Variants in KCNQ3 observed in about 807,000 individuals in gnomAD.
KCNQ3 encodes the protein potassium voltage-gated channel subfamily Q member 3.
A neutral mutation model predicts 92.5 loss-of-function variants in KCNQ3; 30 were observed. That is an observed-to-expected ratio of 0.32 (90% CI 0.24 to 0.44). The LOEUF is 0.44. Among genes scored for constraint, KCNQ3 ranks in the 20% least tolerant of loss-of-function variants. KCNQ3 has a pLI of 1.00. For missense variants in KCNQ3, 913 were observed against 1,140.3 expected (o/e 0.80, Z 2.87); for synonymous variants, 450 against 468.8 (o/e 0.96, Z 0.52).
rs148259480 is a variant in KCNQ3 at position 132,286,792 on chromosome 8, C to A, written c.387-100611G>T. Among the ~76,000 whole-genome samples, 518 of 152,256 alleles carry A rather than the reference C, an allele frequency of 3.4e-3. 1 individual carries two copies. Among genetic ancestry groups the A allele is most frequent in the Non-Finnish European group, 5.4e-3 (366 of 68,008 alleles). ...TAGTTCTTTTAAGAGATGGTTAGGT[C>A]ATTAAGATGAATTAATGGCTTTTTC... On this transcript the variant is annotated intron_variant, in intron 1 of 14. Coordinates refer to ENST00000388996, the MANE Select transcript of KCNQ3 (RefSeq NM_004519.4).
intron 1 of KCNQ3, among the ~76,000 whole-genome samples, chr8:132,448,437 G>A (rs1482104352): frequency 6.7e-6 from 1 of 148,180 alleles, no homozygotes. Flanking sequence ...TCATGTAGGC[G>A]TAGGTCTCTC....
intron 1 of KCNQ3, among the ~76,000 whole-genome samples, chr8:132,211,680 T>C (rs777251533): frequency 6.6e-6 from 1 of 152,116 alleles, no homozygotes; most frequent in Non-Finnish European, 1.5e-5. Context: ...TGGACGGGCA[T>C]GGTGGCTCAT....
At chr8:132,322,621 T>C (rs1817925804) in intron 1 of KCNQ3, among the ~76,000 whole-genome samples, 1 of 152,198 alleles carries the variant, frequency 6.6e-6, no homozygotes, top group African/African-American at 2.4e-5. Flanking sequence ...TTGGCTGATC[T>C]GCCAGAGCAT....
chr8:132,223,420 G>A (rs1814302824), intron 1 of KCNQ3, among the ~76,000 whole-genome samples: 1 of 152,182 alleles, frequency 6.6e-6, no homozygotes, highest in Non-Finnish European at 1.5e-5. Context: ...AAACTTGTGG[G>A]AGCCTGTCAG....
At chr8:132,254,306 T>C (rs1221105782) in intron 1 of KCNQ3, among the ~76,000 whole-genome samples, 1 of 152,136 alleles carries the variant, frequency 6.6e-6, no homozygotes, top group African/African-American at 2.4e-5. Flanking sequence ...GATTGGTGAG[T>C]AAACAGTACA....
At chr8:132,438,901 G>T (rs1302538683) in intron 1 of KCNQ3, among the ~76,000 whole-genome samples, 3 of 150,486 alleles carry the variant, frequency 2.0e-5, no homozygotes, top group Non-Finnish European at 2.9e-5. Context: ...GTCCATTCCA[G>T]CCAGATGTAA....
intron 1 of KCNQ3, among the ~76,000 whole-genome samples, chr8:132,447,693 G>A (rs1821720150): frequency 6.6e-6 from 1 of 152,230 alleles, no homozygotes; most frequent in African/African-American, 2.4e-5. Flanking sequence ...AGAGATGCAG[G>A]AGAACCACCA....
At chr8:132,208,538 C>A (rs924517567) in intron 1 of KCNQ3, among the ~76,000 whole-genome samples, 6 of 151,594 alleles carry the variant, frequency 4.0e-5, no homozygotes, top group Non-Finnish European at 7.4e-5. Flanking sequence ...AAATGAGGCA[C>A]AATATTAATC....
chr8:132,282,386 G>A (rs549373336), intron 1 of KCNQ3, among the ~76,000 whole-genome samples: 3 of 152,072 alleles, frequency 2.0e-5, no homozygotes, highest in Non-Finnish European at 2.9e-5. Context: ...AGAATCACAG[G>A]GGGAGAGTAG....
chr8:132,423,337 A>G (rs968133034), intron 1 of KCNQ3, among the ~76,000 whole-genome samples: 1 of 152,232 alleles, frequency 6.6e-6, no homozygotes, highest in African/African-American at 2.4e-5. Flanking sequence ...TTGGGTCCAC[A>G]TTCTAGCAAC....
intron 1 of KCNQ3, among the ~76,000 whole-genome samples, chr8:132,191,645 T>C (rs1827166829): frequency 6.7e-6 from 1 of 148,380 alleles, no homozygotes; most frequent in South Asian, 2.1e-4. Context: ...ATATATATAA[T>C]ATATATAAAT....
chr8:132,364,858 T>G (rs543949262), intron 1 of KCNQ3, among the ~76,000 whole-genome samples: 36 of 152,300 alleles, frequency 2.4e-4, no homozygotes, highest in African/African-American at 8.2e-4. Context: ...TAAGTATTTT[T>G]GGGGTATATT....
In KCNQ3 at chr8:132,353,245, C is replaced by T. The variant is rs187917146; in HGVS notation, c.386+126902G>A. Among the ~76,000 whole-genome samples the T allele has an allele frequency of 8.7e-4, 132 of 151,726 alleles. 1 individual carries two copies. The East Asian group carries it at 0.021, about 25-fold the overall frequency. On this transcript the variant is annotated intron_variant, in intron 1 of 14. Transcript: ENST00000388996. ...CCACAGCCCCCGACCCCCAGCCCTCCGCCAAAAAAAGTAGGATTTTAACTG... is the reference window on the plus strand; with the variant it reads ...CCACAGCCCCCGACCCCCAGCCCTCTGCCAAAAAAAGTAGGATTTTAACTG...
In KCNQ3 at chr8:132,163,613, G is replaced by A. The variant is rs1826056521; in HGVS notation, c.1236-119C>T. ...ATGATGGAGCAGAGTTGAGCTCTAG[G>A]ACAGGATGGTCAGTGTGGAGGGAAC... On this transcript the variant is annotated intron_variant, in intron 8 of 14. Coordinates refer to ENST00000388996, the MANE Select transcript of KCNQ3 (RefSeq NM_004519.4). 16 of 895,164 alleles carry A rather than the reference G, an allele frequency of 1.8e-5. No individual in the cohort carries two copies. The East Asian group carries it at 3.9e-4, about 22-fold the overall frequency. The allele number at this position is 895,164 out of a possible 1,614,324, so 55.5% of individuals were successfully genotyped here.
chr8:132,470,482 T>C (rs954114123), intron 1 of KCNQ3, among the ~76,000 whole-genome samples: 2 of 152,264 alleles, frequency 1.3e-5, no homozygotes, highest in African/African-American at 2.4e-5. Flanking sequence ...CATGCACTTA[T>C]ATTGTCTGTA....
intron 14 of KCNQ3, 144 bp from the exon 15 acceptor site, chr8:132,130,140 T>G: frequency 1.1e-6 from 1 of 934,604 alleles, no homozygotes; most frequent in African/African-American, 1.7e-5. Context: ...TGGAGTGCAG[T>G]GGCGCGATCT....
chr8:132,285,730 G>A (rs1450081673), intron 1 of KCNQ3, among the ~76,000 whole-genome samples: 1 of 152,160 alleles, frequency 6.6e-6, no homozygotes, highest in Admixed American at 6.5e-5. Flanking sequence ...TCAAAACTAT[G>A]GGAGAAAGAT....
At chr8:132,436,994 G>T (rs777571220) in intron 1 of KCNQ3, among the ~76,000 whole-genome samples, 13 of 152,170 alleles carry the variant, frequency 8.5e-5, no homozygotes, top group Admixed American at 6.5e-4. Flanking sequence ...AGAGTGGGGT[G>T]GTGGGCCGGG....
At chr8:132,237,107 T>G (rs1814840946) in intron 1 of KCNQ3, among the ~76,000 whole-genome samples, 1 of 152,204 alleles carries the variant, frequency 6.6e-6, no homozygotes, top group African/African-American at 2.4e-5. Flanking sequence ...ATTTTTGACC[T>G]ATAGAGCATG....
Sources: allele counts gnomAD v4.1 joint callset (sites outside exome capture counted in the v4.1 genomes callset), GRCh38; gene constraint gnomAD v4.1.1; transcripts MANE v1.5; gene names NCBI Gene and HGNC (gene_info 2026-07-23, HGNC 2026-07-21).